ADGRF5: variants seen among roughly 807,000 people sequenced by gnomAD.
The protein encoded by ADGRF5 is adhesion G protein-coupled receptor F5, also known as G-protein coupled receptor 116.
A neutral mutation model predicts 132.3 loss-of-function variants in ADGRF5; 75 were observed. The observed-to-expected ratio is 0.57, with a 90% CI of 0.47 to 0.69. The LOEUF (loss-of-function observed/expected upper bound fraction) is 0.69. ADGRF5 is among the 30% of genes least tolerant of loss of function. The pLI is 0.00. For synonymous variants in ADGRF5, 629 were observed against 597.6 expected (o/e 1.05, Z -0.77); for missense variants, 1,516 against 1,630.6 (o/e 0.93, Z 1.21).
At chr6:46,900,148 G>A (rs373007982) in intron 2 of ADGRF5, 65 bp from the exon 3 acceptor site, 36 of 1,150,866 alleles carry the variant, frequency 3.1e-5, no homozygotes, top group South Asian at 2.5e-4. Context: ...GTGGCTCCCC[G>A]CTTAGATACC....
intron 3 of ADGRF5, among the ~76,000 whole-genome samples, chr6:46,890,093 G>T (rs563395741): frequency 6.6e-6 from 1 of 151,954 alleles, no homozygotes; most frequent in Admixed American, 6.6e-5. Context: ...GATAAATTGA[G>T]AATATTTTTC....
At chr6:46,863,309 C>A (rs746489557) in intron 14 of ADGRF5, 1 of 660,234 alleles carries the variant, frequency 1.5e-6, no homozygotes, top group Non-Finnish European at 2.8e-6. Flanking sequence ...GTAATCGGAA[C>A]TTCCTTTTCC....
chr6:46,881,313 A>G (rs771237450), intron 8 of ADGRF5, 142 bp downstream of exon 8: 1 of 666,176 alleles, frequency 1.5e-6, no homozygotes, highest in Non-Finnish European at 2.6e-6. Context: ...AGGCACTGGC[A>G]TAAGAGGAGG....
At chr6:46,860,916 C>T in intron 15 of ADGRF5, 22 bp from the exon 16 acceptor site, 3 of 1,491,056 alleles carry the variant, frequency 2.0e-6, no homozygotes, top group South Asian at 1.3e-5. Context: ...AAAGCCAACA[C>T]AAAAAAAAAT....
At position 46,852,594 on chromosome 6, in the gene ADGRF5, G is replaced by A. The variant is rs1161832941; in HGVS notation, c.*1398C>T. The A allele has an allele frequency of 6.6e-6, 1 of 151,866 alleles. No individual in the cohort carries two copies. Among genetic ancestry groups the A allele is most frequent in the Non-Finnish European group, 1.5e-5 (1 of 68,020 alleles). The allele number at this position is 151,866 out of a possible 1,614,324, so 9.4% of individuals were successfully genotyped here. ...GTACATGGTTAACTCTAATATGCGTGCAATTTTCATAAATATTTATATTTT... is the reference window on the plus strand; with the variant it reads ...GTACATGGTTAACTCTAATATGCGTACAATTTTCATAAATATTTATATTTT... On this transcript the variant is annotated 3_prime_UTR_variant, in exon 21 of 21. Transcript: ENST00000283296.
chr6:46,923,300 G>A (rs942470231), upstream of ADGRF5, among the ~76,000 whole-genome samples: 7 of 152,180 alleles, frequency 4.6e-5, no homozygotes, highest in African/African-American at 1.7e-4. Flanking sequence ...TGAAACTGAA[G>A]AGGAAGAGTT....
At chr6:46,854,301 C>T (rs1430855950) in intron 20 of ADGRF5, among the ~76,000 whole-genome samples, 1 of 152,186 alleles carries the variant, frequency 6.6e-6, no homozygotes. Flanking sequence ...CACTACTTCA[C>T]ATCATACCAG....
At chr6:46,895,609 C>T (rs902954047) in intron 3 of ADGRF5, among the ~76,000 whole-genome samples, 3 of 149,336 alleles carry the variant, frequency 2.0e-5, no homozygotes, top group Admixed American at 1.4e-4. Flanking sequence ...AAAATGTGAG[C>T]GCATCCAGTG....
intron 1 of ADGRF5, among the ~76,000 whole-genome samples, chr6:46,917,487 AC>A (rs2150919134): frequency 6.6e-6 from 1 of 152,298 alleles, no homozygotes. Flanking sequence ...GATTTACTTA[AC>A]TTTTCTGGAT....
At chr6:46,877,291 C>CTTTCTT (rs780750764) in intron 10 of ADGRF5, among the ~76,000 whole-genome samples, 1,732 of 62,038 alleles carry the variant, frequency 0.028, 19 homozygotes, top group Middle Eastern at 0.04. Context: ...TTCTTTCTTT[C>CTTTCTT]TCTCTCTCTC....
At chr6:46,941,387 CAAA>C (rs1778040425) in intron 1 of ADGRF5, among the ~76,000 whole-genome samples, 1 of 83,120 alleles carries the variant, frequency 1.2e-5, no homozygotes. Context: ...AAGAAAGAAA[CAAA>C]GAAAAGAAAA....
rs114116756 is a variant in ADGRF5, at chr6:46,869,022, A to G, written c.1482T>C (p.Ser494=). The G allele has an allele frequency of 4.2e-4, 684 of 1,613,558 alleles. No individual in the cohort carries two copies. The African/African-American group carries it at 8.1e-3, about 19-fold the overall frequency. The change falls in exon 12 of 21, where the codon AGT becomes AGC. Residue 494 remains serine, a synonymous_variant. Transcript: ENST00000283296. ...EGQNFSIKCI[S]DVSNYDEVYW... The stretch of plus-strand genomic sequence containing the variant: ...AAACCTCATCATAGTTACTCACATC[A>G]CTGATGCATTTTATAGAAAAGTTTT...
At chr6:46,905,502 T>C (rs1425821729) in intron 2 of ADGRF5, 1 of 152,036 alleles carries the variant, frequency 6.6e-6, no homozygotes, top group Non-Finnish European at 1.5e-5. Flanking sequence ...TTATACAAAT[T>C]TACTTGCTCA....
chr6:46,869,944 TAA>T (rs1466506588), intron 11 of ADGRF5, among the ~76,000 whole-genome samples: 3 of 152,036 alleles, frequency 2.0e-5, no homozygotes, highest in Non-Finnish European at 4.4e-5. Context: ...AAAATATTAA[TAA>T]GACTATTACA....
At chr6:46,897,903 T>G (rs538046801) in intron 3 of ADGRF5, among the ~76,000 whole-genome samples, 32 of 152,222 alleles carry the variant, frequency 2.1e-4, no homozygotes, top group Non-Finnish European at 4.3e-4. Flanking sequence ...GGTTTTTCTA[T>G]GGCCATTTCT....
At chr6:46,929,216 G>A (rs1323732513) in intron 1 of ADGRF5, among the ~76,000 whole-genome samples, 1 of 151,976 alleles carries the variant, frequency 6.6e-6, no homozygotes, top group Non-Finnish European at 1.5e-5. Flanking sequence ...GCTGGAAACG[G>A]TCATTCTCAG....
intron 1 of ADGRF5, among the ~76,000 whole-genome samples, chr6:46,931,140 T>G (rs1266948931): frequency 6.6e-6 from 1 of 152,214 alleles, no homozygotes; most frequent in African/African-American, 2.4e-5. Context: ...TCTTTCCAGT[T>G]TGAGAGGATG....
At chr6:46,903,642 C>T (rs1483504870) in intron 2 of ADGRF5, 2 of 151,564 alleles carry the variant, frequency 1.3e-5, no homozygotes, top group African/African-American at 4.8e-5. Context: ...CCACACATGC[C>T]TCTTTTTCTT....
chr6:46,859,217 A>G lies in ADGRF5; in HGVS notation c.2686T>C (p.Ser896Pro), dbSNP rs1438537573. The change falls in exon 17 of 21, where the codon TCT (serine) becomes CCT (proline). Residue 896 changes from serine (S) to proline (P), a missense_variant. Transcript: ENST00000283296. ...GTTGGGAAAGCCATGGTGACAATAG[A>G]CGAATCCGACTGCAAGTTTTCTAGA... ...SYLENLQSDS[S>P]IVTMAFPTLQ... The G allele has an allele frequency of 2.5e-6, 4 of 1,614,148 alleles. No homozygotes were observed. The highest frequency in any genetic ancestry group is 3.4e-6 in the Non-Finnish European group (4 of 1,180,008).
Sources: allele counts gnomAD v4.1 joint callset (sites outside exome capture counted in the v4.1 genomes callset), GRCh38; gene constraint gnomAD v4.1.1; transcripts MANE v1.5; gene names NCBI Gene and HGNC (gene_info 2026-07-23, HGNC 2026-07-21).